Variants in DLGAP5 observed in about 807,000 individuals in gnomAD.
DLGAP5 encodes disks large-associated protein 5.
In DLGAP5, 90 loss-of-function variants were observed where a neutral mutation model predicts 99.6. That is an observed-to-expected ratio of 0.90 (90% CI 0.76 to 1.08). The LOEUF (loss-of-function observed/expected upper bound fraction) is 1.08, where lower values mean the gene tolerates loss of function less well. Among genes scored for constraint, DLGAP5 ranks in the 50% least tolerant of loss-of-function variants. DLGAP5 has a pLI of 0.00. For synonymous variants in DLGAP5, 311 were observed against 321.3 expected, an observed-to-expected ratio of 0.97 and a Z score of 0.34; for missense variants, 1,036 against 983.5, an observed-to-expected ratio of 1.05 and a Z score of -0.71.
intron 18 of DLGAP5, 105 bp from the exon 19 acceptor site, chr14:55,148,578 G>A (rs747186325): frequency 6.4e-7 from 1 of 1,568,948 alleles, no homozygotes; most frequent in Non-Finnish European, 8.6e-7. Flanking sequence ...AATAAACCGG[G>A]TGCGGTGGTG....
At position 55,151,914 on chromosome 14, in the gene DLGAP5, C is replaced by G. The variant is rs1239570072; in HGVS notation, c.2149G>C (p.Asp717His). 1 of 1,613,776 alleles carries G rather than the reference C, an allele frequency of 6.2e-7. No homozygotes were observed. The highest frequency in any genetic ancestry group is 1.7e-5 in the Admixed American group (1 of 60,004). ...CTCATTCTCTCACTGGATAAACAATCCACCTTCAAGTCTGTCTTATTTACA... is the reference window on the plus strand; with the variant it reads ...CTCATTCTCTCACTGGATAAACAATGCACCTTCAAGTCTGTCTTATTTACA... The part of the protein sequence containing the change: ...HVVNKTDLKV[D>H]CLSSERMSLP... Residue 717 changes from aspartate to histidine, a missense_variant, in exon 17 of 19, where the codon GAT becomes CAT. Asp to His is a moderately conservative substitution (Grantham distance 81). Transcript: ENST00000247191.
chr14:55,177,779 C>A (rs1453158758), intron 7 of DLGAP5, among the ~76,000 whole-genome samples: 4 of 151,440 alleles, frequency 2.6e-5, no homozygotes, highest in Non-Finnish European at 5.9e-5. Context: ...CCTCGTCATC[C>A]GCCCGCCTAG....
chr14:55,177,662 C>A lies in DLGAP5; in HGVS notation c.775-326G>T, dbSNP rs959114369. 7.9e-5 allele frequency among the ~76,000 whole-genome samples: 12 copies of A among 151,818 alleles called. 1 individual carries two copies. The highest frequency in any genetic ancestry group is 5.9e-4 in the Admixed American group (9 of 15,248). On this transcript the variant is annotated intron_variant, in intron 7 of 18. Coordinates refer to ENST00000247191, the MANE Select transcript of DLGAP5 (RefSeq NM_014750.5). ...ACGCCATTCTCCTGCCTCAGCCTCC[C>A]AAGTAGCTGGGACTACAGACGCCCG...
intron 1 of DLGAP5, among the ~76,000 whole-genome samples, chr14:55,190,060 C>T (rs1036818527): frequency 6.6e-6 from 1 of 152,128 alleles, no homozygotes; most frequent in Non-Finnish European, 1.5e-5. Context: ...TAGTTGTTTG[C>T]CAGAAAACAG....
At chr14:55,177,541 C>CT (rs775347897) in intron 7 of DLGAP5, among the ~76,000 whole-genome samples, 13,741 of 144,134 alleles carry the variant, frequency 0.095, 1,531 homozygotes, top group African/African-American at 0.26. Context: ...GGAATAGAAT[C>CT]TTTTTTTTTT....
intron 10 of DLGAP5, among the ~76,000 whole-genome samples, chr14:55,174,894 T>A (rs1408131221): frequency 6.6e-6 from 1 of 152,176 alleles, no homozygotes; most frequent in South Asian, 2.1e-4. Flanking sequence ...TTTCACCATG[T>A]TAGACAGGAT....
At chr14:55,173,737 A>T (rs774980480) in intron 10 of DLGAP5, among the ~76,000 whole-genome samples, 1 of 152,162 alleles carries the variant, frequency 6.6e-6, no homozygotes, top group East Asian at 1.9e-4. Flanking sequence ...CTTTTGTAAT[A>T]TCTTATGCCT....
intron 8 of DLGAP5, among the ~76,000 whole-genome samples, chr14:55,176,823 A>G (rs1309870219): frequency 6.6e-6 from 1 of 151,828 alleles, no homozygotes; most frequent in Non-Finnish European, 1.5e-5. Flanking sequence ...CTAAAGATAC[A>G]AAAAATTAGC....
intron 12 of DLGAP5, among the ~76,000 whole-genome samples, chr14:55,169,167 C>T (rs1486480842): frequency 8.0e-6 from 1 of 124,540 alleles, no homozygotes; most frequent in African/African-American, 3.4e-5. Flanking sequence ...CAGAGTGAGA[C>T]TCCGTCTCAA....
chr14:55,160,187 AC>A (rs1882367409), intron 13 of DLGAP5, among the ~76,000 whole-genome samples: 1 of 152,038 alleles, frequency 6.6e-6, no homozygotes, highest in South Asian at 2.1e-4. Context: ...TGGGCCACAC[AC>A]CTAGACTCTA....
At chr14:55,176,963 G>T in intron 8 of DLGAP5, 99 bp downstream of exon 8, 3 of 1,030,994 alleles carry the variant, frequency 2.9e-6, no homozygotes, top group Non-Finnish European at 3.7e-6. Flanking sequence ...GGGCGACAGA[G>T]CGAACTCCGT....
chr14:55,188,844 C>A, intron 2 of DLGAP5, 98 bp downstream of exon 2: 106 of 669,242 alleles, frequency 1.6e-4, no homozygotes, highest in Middle Eastern at 4.8e-4. Context: ...AATGGTATTT[C>A]AAAACTCTTC....
At position 55,191,482 on chromosome 14, in the gene DLGAP5, G is replaced by A. The variant is rs1373218922; in HGVS notation, c.-21C>T. 1 of 153,144 alleles carries A rather than the reference G, an allele frequency of 6.5e-6. No individual in the cohort carries two copies. Among genetic ancestry groups the A allele is most frequent in the Non-Finnish European group, 1.5e-5 (1 of 68,386 alleles). 9.5% of individuals were successfully genotyped at this position (153,144 alleles called of 1,614,324 possible). ...ACCTACCTGAGCCACCTTCTAGCGT[G>A]AAACCTCAACCAAACAAAAAGTAAA... is the stretch of plus-strand genomic sequence containing the variant. On this transcript the variant is annotated 5_prime_UTR_variant, in exon 1 of 19. Transcript: ENST00000247191.
intron 2 of DLGAP5, among the ~76,000 whole-genome samples, chr14:55,187,628 T>C (rs1420349501): frequency 8.1e-3 from 2 of 248 alleles, no homozygotes; most frequent in Admixed American, 0.011. Flanking sequence ...GATCCTTTTC[T>C]TTTTTTTTTT....
chr14:55,148,881 G>A (rs1349870791), intron 18 of DLGAP5, among the ~76,000 whole-genome samples: 6 of 152,228 alleles, frequency 3.9e-5, no homozygotes, highest in Middle Eastern at 3.4e-3. Context: ...AGTGTATGCA[G>A]AATGAATAAA....
chr14:55,175,612 T>C (rs1159070667), intron 9 of DLGAP5, 140 bp from the exon 10 acceptor site: 1 of 663,216 alleles, frequency 1.5e-6, no homozygotes, highest in Admixed American at 3.4e-5. Flanking sequence ...TCACATTTCC[T>C]CTAAAGTAGC....
intron 12 of DLGAP5, 34 bp downstream of exon 12, chr14:55,169,365 T>G: frequency 9.6e-7 from 1 of 1,046,252 alleles, no homozygotes; most frequent in Non-Finnish European, 1.3e-6. Flanking sequence ...AAAAAAGCCC[T>G]AAGTTAATAT....
intron 9 of DLGAP5, 94 bp downstream of exon 9, chr14:55,175,800 A>G (rs1445955713): frequency 8.9e-7 from 1 of 1,125,998 alleles, no homozygotes; most frequent in Non-Finnish European, 1.2e-6. Context: ...GTAATAATCC[A>G]GAAAAGTAAA....
chr14:55,176,601 A>AT (rs999118943), intron 8 of DLGAP5, among the ~76,000 whole-genome samples: 1 of 129,668 alleles, frequency 7.7e-6, no homozygotes, highest in Admixed American at 6.8e-5. Context: ...CTTCTGAAGA[A>AT]TTTTTTTTAA....
Sources: allele counts gnomAD v4.1 joint callset (sites outside exome capture counted in the v4.1 genomes callset), GRCh38; gene constraint gnomAD v4.1.1; transcripts MANE v1.5; gene names NCBI Gene and HGNC (gene_info 2026-07-23, HGNC 2026-07-21).